Variants in HYDIN observed in about 807,000 individuals in gnomAD.
HYDIN encodes axonemal central pair apparatus protein HYDIN.
HYDIN carries 132 observed loss-of-function variants against 403.9 expected under a neutral mutation model. The ratio of observed to expected loss-of-function variants is 0.33; its 90% CI spans 0.28 to 0.38. The LOEUF (loss-of-function observed/expected upper bound fraction) is 0.38. Ranked by LOEUF, HYDIN falls within the 10% of genes least tolerant of loss-of-function variation. The probability of loss-of-function intolerance (pLI) is 1.00; values close to 1 mark genes in which losing one functional copy is unlikely to be tolerated. For synonymous variants in HYDIN, 1,202 were observed against 1,891.7 expected (o/e 0.64, Z 9.46); for missense variants, 2,827 against 5,009.5 (o/e 0.56, Z 13.15).
At chr16:71,019,640 AC>A in intron 22 of HYDIN, among the ~76,000 whole-genome samples, 1 of 152,284 alleles carries the variant, frequency 6.6e-6, no homozygotes, top group African/African-American at 2.4e-5. Context: ...CAGGAAAATG[AC>A]ATTATTGTTT....
intron 18 of HYDIN, among the ~76,000 whole-genome samples, chr16:71,047,919 T>C (rs6416714): frequency 0.4 from 60,357 of 151,248 alleles, 12,798 homozygotes; most frequent in Non-Finnish European, 0.48. Flanking sequence ...CACAGTGCTA[T>C]AGAACACTAG....
At chr16:71,191,893 A>C (rs1168524476) in intron 1 of HYDIN, among the ~76,000 whole-genome samples, 1 of 152,134 alleles carries the variant, frequency 6.6e-6, no homozygotes, top group Admixed American at 6.5e-5. Context: ...CCATATCCCA[A>C]GTGTAGGCAT....
chr16:71,013,503 C>CG (rs970332124), intron 23 of HYDIN, among the ~76,000 whole-genome samples: 13 of 152,308 alleles, frequency 8.5e-5, no homozygotes, highest in African/African-American at 2.9e-4. Flanking sequence ...AAAGGCTTAA[C>CG]GCCAAGGCAG....
chr16:70,849,147 A>G (rs1339076544), intron 75 of HYDIN, among the ~76,000 whole-genome samples: 2 of 151,958 alleles, frequency 1.3e-5, no homozygotes, highest in Non-Finnish European at 2.9e-5. Context: ...TTTGATTGCC[A>G]AATTGTTGGT....
chr16:70,916,783 T>C (rs1403993127), intron 47 of HYDIN, among the ~76,000 whole-genome samples: 1 of 152,240 alleles, frequency 6.6e-6, no homozygotes, highest in Admixed American at 6.5e-5. Context: ...CTCCATAGTC[T>C]GAATTCTTCT....
rs1194732630 is a variant in HYDIN, at chr16:70,901,636, A to AGTG, written c.8850-437_8850-435dup. On this transcript the variant is annotated intron_variant, in intron 52 of 85. Transcript: ENST00000393567. ...AGTCTTGCTCTGTCATCCAGTCTGG[A>AGTG]GTGCAGTGGTGTGATCTCGGCTCAC... 1.8e-4 allele frequency among the ~76,000 whole-genome samples: 24 copies of AGTG among 134,376 alleles called. No individual in the cohort carries two copies. The Admixed American group carries it at 2.0e-3, about 11-fold the overall frequency. The allele number at this position is 134,376 out of a possible 152,430, so 88.2% of individuals were successfully genotyped here.
rs1288664003 is a variant in HYDIN at position 70,809,968 on chromosome 16, C to T, written c.14698G>A (p.Glu4900Lys). ...SFEFQPLKAG[E>K]TFGRLTLHNT... The stretch of plus-strand genomic sequence containing the variant: ...TGCAAAGTTAGTCTTCCGAAGGTTT[C>T]TCCAGCTTTCAGGGGCTGAAATTCA... Residue 4900 changes from glutamate to lysine, a missense_variant, in exon 85 of 86, where the codon GAA (glutamate) becomes AAA (lysine). Physicochemically the swap from Glu to Lys is moderately conservative, Grantham distance 56. Transcript: ENST00000393567. The T allele has an allele frequency of 1.2e-6, 2 of 1,614,148 alleles. No individual in the cohort carries two copies. Among genetic ancestry groups the T allele is most frequent in the Non-Finnish European group, 1.7e-6 (2 of 1,180,016 alleles).
At chr16:71,081,235 C>T (rs1302203475) in intron 12 of HYDIN, among the ~76,000 whole-genome samples, 2 of 152,082 alleles carry the variant, frequency 1.3e-5, no homozygotes, top group Non-Finnish European at 2.9e-5. Context: ...CTTAGTGATA[C>T]TTCCGGTTGC....
chr16:70,872,220 T>C (rs1207780597), intron 64 of HYDIN, 41 bp from the exon 65 acceptor site: 17 of 902,760 alleles, frequency 1.9e-5, no homozygotes, highest in Non-Finnish European at 2.8e-5. Context: ...CTCCCTGGCC[T>C]CCCCTGAGGG....
chr16:71,195,518 T>G (rs934187949), intron 1 of HYDIN, among the ~76,000 whole-genome samples: 2 of 151,274 alleles, frequency 1.3e-5, no homozygotes, highest in African/African-American at 2.4e-5. Context: ...CAGTGGGGGG[T>G]TTTCTAGGCA....
intron 47 of HYDIN, among the ~76,000 whole-genome samples, chr16:70,916,083 G>A (rs2143799706): frequency 6.6e-6 from 1 of 152,326 alleles, no homozygotes; most frequent in East Asian, 1.9e-4. Flanking sequence ...AGCTGTGAAA[G>A]CAAGTATGGC....
rs1394529774 is a variant in HYDIN, at chr16:70,806,068, G to A, written c.*1512C>T. On this transcript the variant is annotated 3_prime_UTR_variant, in exon 86 of 86. Transcript: ENST00000393567. ...AGGTCAACTGTCATGGGATCGCAAT[G>A]CTTGTGTTCAAGGAAACCTTATTTA... Among the ~76,000 whole-genome samples the A allele has an allele frequency of 6.6e-6, 1 of 152,146 alleles. No individual in the cohort carries two copies. The highest frequency in any genetic ancestry group is 1.5e-5 in the Non-Finnish European group (1 of 68,028).
chr16:71,208,338 T>C (rs1220583645), intron 1 of HYDIN, among the ~76,000 whole-genome samples: 1 of 152,066 alleles, frequency 6.6e-6, no homozygotes, highest in East Asian at 1.9e-4. Flanking sequence ...AATAATGAAA[T>C]CAAGAAGTTA....
intron 52 of HYDIN, among the ~76,000 whole-genome samples, chr16:70,901,744 C>A (rs565121778): frequency 2.6e-4 from 40 of 151,136 alleles, no homozygotes; most frequent in African/African-American, 9.6e-4. Flanking sequence ...CGCCACCATG[C>A]CTGGCTAATT....
intron 8 of HYDIN, chr16:71,133,021 C>T (rs1441796623): frequency 4.7e-5 from 14 of 300,066 alleles, no homozygotes; most frequent in East Asian, 3.7e-4. Flanking sequence ...AAACCATGGG[C>T]TTAACCCATT....
chr16:70,882,613 G>A (rs1213866550), intron 60 of HYDIN, 47 bp downstream of exon 60: 3 of 1,431,124 alleles, frequency 2.1e-6, no homozygotes, highest in Non-Finnish European at 2.9e-6. Context: ...CCTTTTTCCA[G>A]CTTTATGTGA....
chr16:71,220,630 C>T (rs12448046), intron 1 of HYDIN, among the ~76,000 whole-genome samples: 52,335 of 152,052 alleles, frequency 0.34, 9,476 homozygotes, highest in East Asian at 0.57. Flanking sequence ...ATCCAGGTTT[C>T]ACGAAAGATT....
chr16:70,954,487 A>C (rs2078169335), intron 40 of HYDIN, among the ~76,000 whole-genome samples: 1 of 151,520 alleles, frequency 6.6e-6, no homozygotes, highest in African/African-American at 2.4e-5. Flanking sequence ...AAAGAAAGAA[A>C]ACAACCCCCC....
chr16:71,052,968 A>C lies in HYDIN; in HGVS notation c.2529+7536T>G, dbSNP rs367956631. On this transcript the variant is annotated intron_variant, in intron 18 of 85. Transcript: ENST00000393567. ...CATAAAATTGACATCAAAACTAAAA[A>C]CATCTTTAAAAAATCCAAAACTTCA... Among the ~76,000 whole-genome samples the C allele has an allele frequency of 2.5e-3, 373 of 149,194 alleles. 2 individuals are homozygous for C. The highest frequency in any genetic ancestry group is 8.4e-3 in the African/African-American group (342 of 40,628).
Sources: allele counts gnomAD v4.1 joint callset (sites outside exome capture counted in the v4.1 genomes callset), GRCh38; gene constraint gnomAD v4.1.1; transcripts MANE v1.5; gene names NCBI Gene and HGNC (gene_info 2026-07-23, HGNC 2026-07-21).